PDE4B: variants seen among roughly 807,000 people sequenced by gnomAD.
The protein encoded by PDE4B is phosphodiesterase 4B.
In PDE4B, 20 loss-of-function variants were observed where a neutral mutation model predicts 82.2. The ratio of observed to expected loss-of-function variants is 0.24; its 90% CI spans 0.17 to 0.35. The LOEUF (loss-of-function observed/expected upper bound fraction) is 0.35, where lower values mean the gene tolerates loss of function less well. Ranked by LOEUF, PDE4B falls within the 10% of genes least tolerant of loss-of-function variation. The pLI is 1.00. For missense variants in PDE4B, 655 were observed against 907.2 expected (o/e 0.72, Z 3.57); for synonymous variants, 320 against 318.9 (o/e 1.00, Z -0.04).
intron 3 of PDE4B, among the ~76,000 whole-genome samples, chr1:65,937,799 G>A (rs916133454): frequency 6.6e-6 from 1 of 152,152 alleles, no homozygotes; most frequent in East Asian, 1.9e-4. Context: ...ATTAGAATAT[G>A]GGAAGTGCAG....
chr1:66,231,024 A>C (rs1651906842), intron 3 of PDE4B, among the ~76,000 whole-genome samples: 1 of 144,754 alleles, frequency 6.9e-6, no homozygotes, highest in Non-Finnish European at 1.5e-5. Context: ...ACAGAGCGAG[A>C]ATCTGTCTAA....
chr1:65,797,992 T>G (rs1645650054), intron 1 of PDE4B, among the ~76,000 whole-genome samples: 1 of 152,168 alleles, frequency 6.6e-6, no homozygotes, highest in Non-Finnish European at 1.5e-5. Flanking sequence ...TATTTTTTAA[T>G]TTTAAAAATG....
chr1:66,171,244 G>A (rs1646831238), intron 3 of PDE4B, among the ~76,000 whole-genome samples: 1 of 152,032 alleles, frequency 6.6e-6, no homozygotes, highest in Non-Finnish European at 1.5e-5. Flanking sequence ...CCCATAAAAA[G>A]TGGAATTCAA....
At chr1:66,364,532 T>C (rs1330926129) in intron 12 of PDE4B, among the ~76,000 whole-genome samples, 1 of 152,200 alleles carries the variant, frequency 6.6e-6, no homozygotes, top group Non-Finnish European at 1.5e-5. Flanking sequence ...AGACTGGCCA[T>C]GCCCTGTCCA....
chr1:66,166,967 T>C (rs945592397), intron 3 of PDE4B, among the ~76,000 whole-genome samples: 2 of 152,168 alleles, frequency 1.3e-5, no homozygotes, highest in African/African-American at 4.8e-5. Flanking sequence ...ATACCATTAG[T>C]CATTAGGAAA....
intron 3 of PDE4B, among the ~76,000 whole-genome samples, chr1:66,093,806 G>A (rs886085125): frequency 1.3e-5 from 2 of 151,964 alleles, no homozygotes; most frequent in African/African-American, 4.8e-5. Flanking sequence ...ATTCAATTCT[G>A]CATTGAGATG....
intron 1 of PDE4B, among the ~76,000 whole-genome samples, chr1:65,845,813 A>C (rs762593982): frequency 1.2e-4 from 18 of 152,014 alleles, no homozygotes; most frequent in Non-Finnish European, 2.4e-4. Flanking sequence ...GATTTTTCTT[A>C]AGTTCTGCAT....
intron 4 of PDE4B, chr1:66,257,373 A>G (rs370593674): frequency 4.5e-5 from 26 of 580,382 alleles, no homozygotes; most frequent in Non-Finnish European, 7.8e-5. Flanking sequence ...CTGTTATTTA[A>G]TGGGAATATA....
At chr1:66,288,889 T>C (rs1477265187) in intron 7 of PDE4B, among the ~76,000 whole-genome samples, 2 of 152,202 alleles carry the variant, frequency 1.3e-5, no homozygotes, top group Non-Finnish European at 2.9e-5. Flanking sequence ...TAATTTGTCA[T>C]GATCCAGCTT....
chr1:66,211,123 A>T (rs545367035), intron 3 of PDE4B, among the ~76,000 whole-genome samples: 1 of 152,178 alleles, frequency 6.6e-6, no homozygotes, highest in Non-Finnish European at 1.5e-5. Context: ...AAAAGATAAG[A>T]TGTACCATTC....
At chr1:66,000,203 A>G (rs1651788163) in intron 3 of PDE4B, among the ~76,000 whole-genome samples, 2 of 152,202 alleles carry the variant, frequency 1.3e-5, no homozygotes, top group Admixed American at 6.5e-5. Flanking sequence ...AGCTCAGGAA[A>G]GCTCTACATA....
At chr1:66,057,469 G>T (rs1167017511) in intron 3 of PDE4B, among the ~76,000 whole-genome samples, 2 of 152,134 alleles carry the variant, frequency 1.3e-5, no homozygotes, top group Non-Finnish European at 2.9e-5. Flanking sequence ...AAGCCTTTTT[G>T]AGGCTAATAC....
At chr1:66,369,769 G>A (rs971891773) in intron 16 of PDE4B, among the ~76,000 whole-genome samples, 18 of 152,096 alleles carry the variant, frequency 1.2e-4, no homozygotes, top group Non-Finnish European at 1.9e-4. Context: ...CTCCAAATTT[G>A]CATATACTTG....
intron 1 of PDE4B, among the ~76,000 whole-genome samples, chr1:65,896,230 A>C (rs1017322932): frequency 1.3e-5 from 2 of 152,154 alleles, no homozygotes; most frequent in Non-Finnish European, 2.9e-5. Context: ...CCTCACAATC[A>C]TGATGGAATG....
At position 66,081,826 on chromosome 1, in the gene PDE4B, CTCTCTCTGTG is replaced by C. The variant is rs71058447; in HGVS notation, c.281+162993_281+163002del. ...AGTAAAACTCTCTCTCTCTCTCTCT[CTCTCTCTGTG>C]TGTGTGTGTGTGTGTGTGTGTGTGT... On this transcript the variant is annotated intron_variant, in intron 3 of 16. Coordinates refer to ENST00000341517, the MANE Select transcript of PDE4B (RefSeq NM_002600.4). Among the ~76,000 whole-genome samples the C allele has an allele frequency of 7.8e-3, 749 of 95,724 alleles. 6 individuals carry two copies. The highest frequency in any genetic ancestry group is 0.012 in the Non-Finnish European group (534 of 44,518). The allele number at this position is 95,724 out of a possible 152,430, so 62.8% of individuals were successfully genotyped here.
intron 3 of PDE4B, among the ~76,000 whole-genome samples, chr1:66,143,958 C>T (rs1646222277): frequency 6.6e-6 from 1 of 152,196 alleles, no homozygotes; most frequent in Non-Finnish European, 1.5e-5. Context: ...TCAGGTCTGC[C>T]TACCCCAGAC....
intron 1 of PDE4B, among the ~76,000 whole-genome samples, chr1:65,879,989 A>C (rs958708295): frequency 6.6e-6 from 1 of 152,194 alleles, no homozygotes; most frequent in Non-Finnish European, 1.5e-5. Context: ...TCCCCAAAAC[A>C]TCTGTATTTG....
intron 3 of PDE4B, among the ~76,000 whole-genome samples, chr1:66,085,991 T>A (rs1357282554): frequency 1.3e-5 from 2 of 152,180 alleles, no homozygotes; most frequent in African/African-American, 4.8e-5. Context: ...ACCAAAGCAA[T>A]CAGATAACTT....
At chr1:66,066,793 G>T (rs72918285) in intron 3 of PDE4B, among the ~76,000 whole-genome samples, 1 of 151,904 alleles carries the variant, frequency 6.6e-6, no homozygotes, top group Non-Finnish European at 1.5e-5. Flanking sequence ...AGTTTCAAAG[G>T]TTTAAATATG....
Sources: gnomAD v4.1 joint callset for allele counts (sites outside exome capture counted in the v4.1 genomes callset) on GRCh38, gnomAD v4.1.1 for gene constraint, MANE v1.5 for transcripts, NCBI Gene and HGNC (gene_info 2026-07-23, HGNC 2026-07-21) for gene names.